Variants in EYS observed in about 807,000 individuals in gnomAD.
EYS encodes the protein protein eyes shut homolog.
In EYS, 250 loss-of-function variants were observed where a neutral mutation model predicts 282.1. The ratio of observed to expected loss-of-function variants is 0.89; its 90% CI spans 0.80 to 0.98. The LOEUF (loss-of-function observed/expected upper bound fraction) is 0.98, where lower values mean the gene tolerates loss of function less well. EYS is among the 50% of genes least tolerant of loss of function. The pLI, the probability that EYS is intolerant of heterozygous loss-of-function variation, is 0.00. For missense variants in EYS, 4,016 were observed against 3,709.0 expected (o/e 1.08, Z -2.15); for synonymous variants, 1,355 against 1,282.9 (o/e 1.06, Z -1.20).
At chr6:64,862,621 T>G (rs1036990620) in intron 19 of EYS, among the ~76,000 whole-genome samples, 2 of 152,264 alleles carry the variant, frequency 1.3e-5, no homozygotes, top group African/African-American at 4.8e-5. Flanking sequence ...GAGTAATCAT[T>G]CAGTCTTGTT....
intron 37 of EYS, among the ~76,000 whole-genome samples, chr6:63,805,372 TTTC>T (rs1770878583): frequency 6.6e-6 from 1 of 152,240 alleles, no homozygotes; most frequent in Non-Finnish European, 1.5e-5. Flanking sequence ...GGCTGAGTAC[TTTC>T]TTAATTTCTT....
At chr6:63,763,312 A>C (rs1041236598) in intron 40 of EYS, among the ~76,000 whole-genome samples, 2 of 152,008 alleles carry the variant, frequency 1.3e-5, no homozygotes, top group Non-Finnish European at 2.9e-5. Context: ...TATTGGGAGG[A>C]GCCCAGCAGA....
At chr6:64,759,967 G>C (rs1187578136) in intron 22 of EYS, among the ~76,000 whole-genome samples, 1 of 152,100 alleles carries the variant, frequency 6.6e-6, no homozygotes, top group Non-Finnish European at 1.5e-5. Flanking sequence ...GCAAAAAAAT[G>C]TTTTCAGCAC....
rs540611114 is a variant in EYS at position 65,353,499 on chromosome 6, C to A, written c.1418G>T (p.Gly473Val). 27 of 1,613,126 alleles carry A rather than the reference C, an allele frequency of 1.7e-5. No homozygotes were observed. In the South Asian group the frequency reaches 2.9e-4, roughly 17 times the overall value. ...VTFHGICQDK[G>V]PAQFEYVWQL... is the part of the protein sequence containing the mutation. The stretch of plus-strand genomic sequence containing the variant: ...CCACACATATTCAAATTGAGCAGGA[C>A]CTTTATCTTGGCAAATACCATGGAA... The change falls in exon 9 of 43, where the codon GGT (glycine) becomes GTT (valine). Residue 473 changes from glycine to valine, a missense_variant. By Grantham distance (109) the Gly-to-Val change is moderately radical (BLOSUM62 -3). Coordinates refer to ENST00000503581, the MANE Select transcript of EYS (RefSeq NM_001142800.2).
intron 13 of EYS, among the ~76,000 whole-genome samples, chr6:65,032,402 G>A (rs1199330881): frequency 6.6e-6 from 1 of 152,168 alleles, no homozygotes; most frequent in East Asian, 1.9e-4. Flanking sequence ...CCTGGTAGGA[G>A]GTGTTTTGAT....
Position 64,558,640 on chromosome 6 carries a change from A to G in EYS, c.5644+31583T>C, listed in dbSNP as rs149036449. 1.7e-3 allele frequency among the ~76,000 whole-genome samples: 263 copies of G among 152,286 alleles called. 1 individual carries two copies. Among genetic ancestry groups the G allele is most frequent in the African/African-American group, 5.6e-3 (234 of 41,576 alleles). Reference sequence around the variant, plus strand: ...GCCAGCTTTTATTGTGTATACACCAATTGCAGCATCTTTCTGAAGAAAAAT... The same window carrying G: ...GCCAGCTTTTATTGTGTATACACCAGTTGCAGCATCTTTCTGAAGAAAAAT... On this transcript the variant is annotated intron_variant, in intron 26 of 42. Coordinates refer to ENST00000503581, the MANE Select transcript of EYS (RefSeq NM_001142800.2).
intron 39 of EYS, among the ~76,000 whole-genome samples, chr6:63,780,150 A>G (rs112229954): frequency 3.2e-4 from 48 of 152,268 alleles, no homozygotes; most frequent in Middle Eastern, 6.8e-3. Context: ...TCTATCATTG[A>G]TGGGCATTTG....
chr6:63,902,869 G>C (rs1325000901), intron 35 of EYS, among the ~76,000 whole-genome samples: 1 of 152,158 alleles, frequency 6.6e-6, no homozygotes, highest in East Asian at 1.9e-4. Flanking sequence ...GATGTAGGTT[G>C]CTTATGGAGG....
chr6:64,400,322 TC>T (rs1194410890), intron 28 of EYS: 2 of 152,184 alleles, frequency 1.3e-5, no homozygotes, highest in East Asian at 3.9e-4. Context: ...AAAGATATTA[TC>T]TTATCTGAAA....
chr6:64,529,916 TAGTGAAGAAAA>T, intron 26 of EYS, among the ~76,000 whole-genome samples: 1 of 152,184 alleles, frequency 6.6e-6, no homozygotes, highest in East Asian at 1.9e-4. Context: ...AATCCAATGT[TAGTGAAGAAAA>T]AGATTCTGTA....
chr6:64,773,882 T>C (rs892239449), intron 22 of EYS, among the ~76,000 whole-genome samples: 42 of 152,002 alleles, frequency 2.8e-4, no homozygotes, highest in African/African-American at 9.6e-4. Context: ...CTGTAGGTTG[T>C]CTGTTTACTC....
At chr6:64,446,616 A>G in intron 26 of EYS, among the ~76,000 whole-genome samples, 1 of 152,176 alleles carries the variant, frequency 6.6e-6, no homozygotes, top group Admixed American at 6.5e-5. Context: ...ATTTTTAAAA[A>G]TCAAGTATTT....
At chr6:64,992,984 C>CAGAGA (rs1269896243) in intron 14 of EYS, among the ~76,000 whole-genome samples, 4 of 151,972 alleles carry the variant, frequency 2.6e-5, no homozygotes, top group Non-Finnish European at 4.4e-5. Flanking sequence ...AGAGAAGGTC[C>CAGAGA]TGGGAGCCAC....
intron 12 of EYS, among the ~76,000 whole-genome samples, chr6:65,204,635 C>A (rs770769258): frequency 6.6e-5 from 10 of 151,746 alleles, no homozygotes; most frequent in African/African-American, 9.7e-5. Flanking sequence ...ACAATTGAGA[C>A]TCCAAGGTTA....
chr6:64,749,871 G>A (rs1772685134), intron 22 of EYS, among the ~76,000 whole-genome samples: 1 of 151,890 alleles, frequency 6.6e-6, no homozygotes, highest in Non-Finnish European at 1.5e-5. Flanking sequence ...GAAGTTAGAG[G>A]CTAGTACGTA....
intron 5 of EYS, among the ~76,000 whole-genome samples, chr6:65,464,880 C>G (rs1365335497): frequency 6.6e-6 from 1 of 152,220 alleles, no homozygotes; most frequent in Non-Finnish European, 1.5e-5. Flanking sequence ...TTTGCCATTA[C>G]TCAGTGAAGA....
At chr6:63,905,341 T>C (rs1773751317) in intron 35 of EYS, among the ~76,000 whole-genome samples, 1 of 149,038 alleles carries the variant, frequency 6.7e-6, no homozygotes, top group Admixed American at 6.7e-5. Flanking sequence ...TTTTTTTTTT[T>C]TTTTTTGAGA....
chr6:64,806,889 T>A (rs948810797), intron 22 of EYS, among the ~76,000 whole-genome samples: 5 of 152,186 alleles, frequency 3.3e-5, no homozygotes, highest in Admixed American at 6.5e-5. Flanking sequence ...TGCTTTGTTT[T>A]ATAAATCATT....
At chr6:64,735,020 A>G (rs1259012938) in intron 22 of EYS, among the ~76,000 whole-genome samples, 2 of 152,196 alleles carry the variant, frequency 1.3e-5, no homozygotes, top group Non-Finnish European at 2.9e-5. Flanking sequence ...AATATGCACT[A>G]TATTATAAGA....
Sources: allele counts gnomAD v4.1 joint callset (sites outside exome capture counted in the v4.1 genomes callset), GRCh38; gene constraint gnomAD v4.1.1; transcripts MANE v1.5; gene names NCBI Gene and HGNC (gene_info 2026-07-23, HGNC 2026-07-21).